Variants in COL24A1 observed in about 807,000 individuals in gnomAD.
The protein encoded by COL24A1 is collagen alpha-1(XXIV) chain.
A neutral mutation model predicts 253.9 loss-of-function variants in COL24A1; 224 were observed. The ratio of observed to expected loss-of-function variants is 0.88; its 90% CI spans 0.79 to 0.99. COL24A1 has a LOEUF of 0.99. Ranked by LOEUF, COL24A1 falls within the 50% of genes least tolerant of loss-of-function variation. The probability of loss-of-function intolerance (pLI) is 0.00; values close to 1 mark genes in which losing one functional copy is unlikely to be tolerated. For missense variants in COL24A1, 2,131 were observed against 2,068.5 expected (o/e 1.03, Z -0.59); for synonymous variants, 685 against 673.7 (o/e 1.02, Z -0.26).
At chr1:85,808,455 C>T (rs1672203365) in intron 47 of COL24A1, among the ~76,000 whole-genome samples, 1 of 152,210 alleles carries the variant, frequency 6.6e-6, no homozygotes. Flanking sequence ...TTCCTATCCA[C>T]ATTCTTATCA....
At chr1:85,851,646 TATC>T (rs1234611353) in intron 37 of COL24A1, among the ~76,000 whole-genome samples, 1 of 152,184 alleles carries the variant, frequency 6.6e-6, no homozygotes, top group Non-Finnish European at 1.5e-5. Context: ...AGAATGATGT[TATC>T]ATTTCAATTT....
chr1:86,022,374 T>A, intron 17 of COL24A1, 81 bp from the exon 18 acceptor site: 1 of 1,446,198 alleles, frequency 6.9e-7, no homozygotes, highest in Non-Finnish European at 9.7e-7. Context: ...TGCTAAAAAA[T>A]TTCATAAAGT....
intron 24 of COL24A1, among the ~76,000 whole-genome samples, chr1:85,945,165 G>A (rs1414472614): frequency 2.7e-5 from 4 of 150,826 alleles, no homozygotes; most frequent in African/African-American, 9.8e-5. Context: ...CTACAGGTGT[G>A]TGCCACCATG....
At chr1:85,792,665 G>A (rs2101683757) in intron 47 of COL24A1, among the ~76,000 whole-genome samples, 1 of 151,978 alleles carries the variant, frequency 6.6e-6, no homozygotes, top group African/African-American at 2.4e-5. Flanking sequence ...CCATGATCAT[G>A]CCACTGCACT....
At chr1:85,845,077 T>G (rs2102284606) in intron 39 of COL24A1, among the ~76,000 whole-genome samples, 1 of 152,042 alleles carries the variant, frequency 6.6e-6, no homozygotes, top group African/African-American at 2.4e-5. Context: ...GCAAAACTCT[T>G]AAGGTAAACT....
intron 37 of COL24A1, among the ~76,000 whole-genome samples, chr1:85,854,711 G>T (rs540279239): frequency 9.6e-4 from 138 of 143,704 alleles, no homozygotes; most frequent in African/African-American, 2.8e-3. Flanking sequence ...CTAGGTTTTT[G>T]TTTTTTTTTT....
At chr1:86,097,779 A>C (rs947043778) in intron 5 of COL24A1, among the ~76,000 whole-genome samples, 1 of 151,660 alleles carries the variant, frequency 6.6e-6, no homozygotes, top group African/African-American at 2.4e-5. Context: ...AGATGATCTC[A>C]TGAACTCTAT....
At chr1:86,092,412 C>T (rs1313726422) in intron 5 of COL24A1, 92 bp from the exon 6 acceptor site, 4 of 834,890 alleles carry the variant, frequency 4.8e-6, no homozygotes, top group Non-Finnish European at 7.8e-6. Flanking sequence ...ATGTTATATA[C>T]ATTATATGGT....
chr1:85,795,802 G>A (rs1475168345), intron 47 of COL24A1, among the ~76,000 whole-genome samples: 1 of 151,978 alleles, frequency 6.6e-6, no homozygotes, highest in Admixed American at 6.5e-5. Context: ...GGCAATGTAA[G>A]TACTATTTTT....
intron 19 of COL24A1, among the ~76,000 whole-genome samples, chr1:86,010,728 T>C (rs1470283735): frequency 2.6e-5 from 4 of 152,124 alleles, no homozygotes; most frequent in Admixed American, 2.0e-4. Flanking sequence ...TTGAATAAAC[T>C]GATACATCCA....
intron 24 of COL24A1, among the ~76,000 whole-genome samples, chr1:85,926,674 AG>A (rs796392104): frequency 1.4e-5 from 2 of 147,616 alleles, no homozygotes; most frequent in South Asian, 4.5e-4. Context: ...TCATGGGGTG[AG>A]GGGCAGGGGG....
chr1:86,142,522 C>CAAAAAA lies in COL24A1; in HGVS notation c.121+3591_121+3596dup, dbSNP rs554778074. Among the ~76,000 whole-genome samples the CAAAAAA allele has an allele frequency of 1.0e-4, 12 of 115,460 alleles. No individual in the cohort carries two copies. In the East Asian group the frequency reaches 1.6e-3, roughly 15 times the overall value. 75.7% of individuals were successfully genotyped at this position (115,460 alleles called of 152,430 possible). On this transcript the variant is annotated intron_variant, in intron 2 of 59. Transcript: ENST00000370571. Reference sequence around the variant, plus strand: ...TGGACGACAGAGTGAGACACTGCCTCAAAAAAAAAAACAAAAAACAAAAAA... The same window carrying CAAAAAA: ...TGGACGACAGAGTGAGACACTGCCTCAAAAAAAAAAAAAAAAACAAAAAACAAAAAA...
At chr1:85,893,665 A>G (rs1029778733) in intron 31 of COL24A1, among the ~76,000 whole-genome samples, 1 of 152,116 alleles carries the variant, frequency 6.6e-6, no homozygotes, top group Admixed American at 6.6e-5. Flanking sequence ...GGACAAATAT[A>G]CTTTTACTAG....
At chr1:85,786,611 A>T (rs927813112) in intron 47 of COL24A1, 150 bp from the exon 48 acceptor site, 4 of 503,786 alleles carry the variant, frequency 7.9e-6, no homozygotes, top group Non-Finnish European at 1.4e-5. Flanking sequence ...CAGAAGATGA[A>T]ATGTTTAAAT....
At chr1:85,934,888 A>G (rs1688121498) in intron 24 of COL24A1, among the ~76,000 whole-genome samples, 1 of 152,116 alleles carries the variant, frequency 6.6e-6, no homozygotes, top group African/African-American at 2.4e-5. Context: ...AATTATTGTC[A>G]ATATATACCA....
intron 10 of COL24A1, among the ~76,000 whole-genome samples, chr1:86,053,790 A>G (rs1571757136): frequency 6.6e-6 from 1 of 152,260 alleles, no homozygotes; most frequent in Admixed American, 6.5e-5. Context: ...ACCAAAAAAT[A>G]CCAACAAATA....
intron 27 of COL24A1, among the ~76,000 whole-genome samples, chr1:85,908,085 T>A (rs577921147): frequency 1.2e-4 from 18 of 151,944 alleles, no homozygotes; most frequent in African/African-American, 4.3e-4. Flanking sequence ...ATCTTGTTCA[T>A]ATTTTAAGTT....
chr1:85,992,154 T>C (rs1329152466), intron 19 of COL24A1, among the ~76,000 whole-genome samples: 2 of 151,786 alleles, frequency 1.3e-5, no homozygotes, highest in Admixed American at 1.3e-4. Flanking sequence ...TTCCCACCTA[T>C]GAGTGAGAAC....
intron 47 of COL24A1, among the ~76,000 whole-genome samples, chr1:85,795,671 C>T (rs1000778978): frequency 7.2e-5 from 11 of 152,076 alleles, no homozygotes; most frequent in African/African-American, 2.6e-4. Flanking sequence ...TTCTGCCAGG[C>T]ACCTTATGTG....
Sources: gnomAD v4.1 joint callset for allele counts (sites outside exome capture counted in the v4.1 genomes callset) on GRCh38, gnomAD v4.1.1 for gene constraint, MANE v1.5 for transcripts, NCBI Gene and HGNC (gene_info 2026-07-23, HGNC 2026-07-21) for gene names.